Variants in KRT24 observed in about 807,000 individuals in gnomAD.
The protein encoded by KRT24 is keratin, type I cytoskeletal 24.
A neutral mutation model predicts 51.7 loss-of-function variants in KRT24; 44 were observed. The observed-to-expected ratio is 0.85, with a 90% CI of 0.67 to 1.09. KRT24 has a LOEUF of 1.09. KRT24 is among the 50% of genes least tolerant of loss of function. KRT24 has a pLI of 0.00. For missense variants in KRT24, 633 were observed against 647.0 expected (o/e 0.98, Z 0.24); for synonymous variants, 241 against 249.5 (o/e 0.97, Z 0.32).
rs12939122 is a variant in KRT24, at chr17:40,700,938, C to T, written c.855+202G>A. On this transcript the variant is annotated intron_variant, in intron 3 of 7. Coordinates refer to ENST00000264651, the MANE Select transcript of KRT24 (RefSeq NM_019016.3). The stretch of plus-strand genomic sequence containing the variant: ...TTAGAGACACAGTATCTCTCTGTTG[C>T]TCAGGCTGGAATCCAGTGGCATGAT... 7.8e-3 allele frequency among the ~76,000 whole-genome samples: 1,194 copies of T among 152,168 alleles called. 15 individuals are homozygous for T. Among genetic ancestry groups the T allele is most frequent in the African/African-American group, 0.027 (1,123 of 41,494 alleles).
intron 7 of KRT24, 72 bp from the exon 8 acceptor site, chr17:40,698,412 C>T: frequency 1.7e-6 from 2 of 1,169,520 alleles, no homozygotes; most frequent in Non-Finnish European, 1.3e-6. Context: ...AATTCAATCA[C>T]ATGCATTCAA....
intron 5 of KRT24, 47 bp downstream of exon 5, chr17:40,699,951 T>A: frequency 6.2e-7 from 1 of 1,611,522 alleles, no homozygotes; most frequent in Non-Finnish European, 8.5e-7. Flanking sequence ...GAAAACTGCA[T>A]TTGCTTAACT....
chr17:40,702,246 G>C (rs1252074373), intron 1 of KRT24, among the ~76,000 whole-genome samples: 2 of 151,904 alleles, frequency 1.3e-5, no homozygotes, highest in African/African-American at 4.8e-5. Flanking sequence ...TCACCATGTT[G>C]GCCAGGCTAA....
intron 3 of KRT24, 130 bp downstream of exon 3, chr17:40,701,010 G>T: frequency 1.2e-6 from 1 of 815,960 alleles, no homozygotes. Flanking sequence ...GGATCCCCCT[G>T]CCTCGGCCTC....
At chr17:40,700,476 A>G (rs2037664024) in intron 3 of KRT24, 93 bp from the exon 4 acceptor site, 2 of 891,704 alleles carry the variant, frequency 2.2e-6, no homozygotes, top group African/African-American at 3.4e-5. Flanking sequence ...AAAGTAGGAC[A>G]CTGAAAGGAA....
Position 40,703,697 on chromosome 17 carries a change from G to A in KRT24, c.-4C>T. ...AGGCGCGAGACGAGCAAGACATGGT[G>A]CTCCTGCAAACATGAGCTTGTCCAG... On this transcript the variant is annotated 5_prime_UTR_variant, in exon 1 of 8. Coordinates refer to ENST00000264651, the MANE Select transcript of KRT24 (RefSeq NM_019016.3). 1 of 1,550,088 alleles carries A rather than the reference G, an allele frequency of 6.5e-7. No individual in the cohort carries two copies. The highest frequency in any genetic ancestry group is 8.7e-7 in the Non-Finnish European group (1 of 1,150,054).
intron 1 of KRT24, among the ~76,000 whole-genome samples, chr17:40,702,168 A>G (rs1263585777): frequency 1.3e-5 from 2 of 151,812 alleles, no homozygotes; most frequent in Non-Finnish European, 2.9e-5. Context: ...AGTAGCTGGG[A>G]TTACAGGGGC....
In KRT24 at chr17:40,703,550, G is replaced by A. The variant is rs772251765; in HGVS notation, c.144C>T (p.Ser48=). 6.3e-7 allele frequency: 1 copy of A among 1,598,038 alleles called. No homozygotes were observed. The highest frequency in any genetic ancestry group is 8.5e-7 in the Non-Finnish European group (1 of 1,177,996). The change falls in exon 1 of 8, where the codon AGC becomes AGT. Residue 48 remains serine, a synonymous_variant. Coordinates refer to ENST00000264651, the MANE Select transcript of KRT24 (RefSeq NM_019016.3). ...TAGACCCCCCACTCAGGCTGCAGCT[G>A]CTGGCTCCTCCTCGGAAGCCCTGGG... ...SSAQGFRGGA[S]SCSLSGGSSG...
chr17:40,700,003 C>G lies in KRT24; in HGVS notation c.1138G>C (p.Ala380Pro), dbSNP rs2037655430. The G allele has an allele frequency of 6.2e-7, 1 of 1,614,118 alleles. No individual in the cohort carries two copies. Among genetic ancestry groups the G allele is most frequent in the South Asian group, 1.1e-5 (1 of 91,064 alleles). ...GAAAAGCTATTTGCACATACCATGG[C>G]CAGTTGGGACTGAAGCTCAATTTCC... Reference protein sequence around the residue: ...ALEIELQSQLAMKSSLEGTLA... With the variant: ...ALEIELQSQLPMKSSLEGTLA... The change falls in exon 5 of 8, where the codon GCC (alanine) becomes CCC (proline). Residue 380 changes from alanine to proline, a missense_variant. Transcript: ENST00000264651.
In KRT24 at chr17:40,703,372, T is replaced by C. The variant is rs749811617; in HGVS notation, c.322A>G (p.Ser108Gly). ...GTAGCACCACTGCTGAATCTAGAAC[T>C]CCCACAGAATCCAGAACCCCTGCCA... ...GFGRGSGFCGSSRFSSGATGG... is the reference protein window; with the variant it reads ...GFGRGSGFCGGSRFSSGATGG... Residue 108 changes from serine (S) to glycine (G), a missense_variant, in exon 1 of 8, where the codon AGT (serine) becomes GGT (glycine). By Grantham distance (56) the Ser-to-Gly change is moderately conservative. Coordinates refer to ENST00000264651, the MANE Select transcript of KRT24 (RefSeq NM_019016.3). 1 of 1,613,500 alleles carries C rather than the reference T, an allele frequency of 6.2e-7. No homozygotes were observed. The highest frequency in any genetic ancestry group is 2.2e-5 in the East Asian group (1 of 44,854).
In KRT24 at chr17:40,703,170, C is replaced by G; in HGVS notation, c.524G>C (p.Trp175Ser). 6.2e-7 allele frequency: 1 copy of G among 1,614,102 alleles called. No individual in the cohort carries two copies. The highest frequency in any genetic ancestry group is 8.5e-7 in the Non-Finnish European group (1 of 1,180,010). Residue 175 changes from tryptophan to serine, a missense_variant, in exon 1 of 8, where the codon TGG becomes TCG. Transcript: ENST00000264651. ...AGACCCAGGCCCATATTTGTCATAC[C>G]ACTCCTTGATTTTGTTCTCCAGATC... is the stretch of plus-strand genomic sequence containing the variant. ...NTDLENKIKEWYDKYGPGSGD... is the reference protein window; with the variant it reads ...NTDLENKIKESYDKYGPGSGD...
chr17:40,701,599 G>C (rs896165361), intron 2 of KRT24, among the ~76,000 whole-genome samples: 1 of 150,324 alleles, frequency 6.7e-6, no homozygotes, highest in African/African-American at 2.4e-5. Context: ...GAAGCGGCCG[G>C]TGTGTAGCTA....
chr17:40,699,679 TA>T lies in KRT24; in HGVS notation c.1144-19del. 1 of 1,596,592 alleles carries T rather than the reference TA, an allele frequency of 6.3e-7. No homozygotes were observed. The highest frequency in any genetic ancestry group is 1.7e-5 in the Admixed American group (1 of 58,958). ...GAGCTTTTCTAAGAGAAAAAGCAAA[TA>T]AAAAATTCATGATGAAAATAAATCA... On this transcript the variant is annotated intron_variant, in intron 5 of 7. Transcript: ENST00000264651.
At position 40,698,069 on chromosome 17, in the gene KRT24, CTAA is replaced by C. The variant is rs1431761528; in HGVS notation, c.*165_*167del. 48 of 562,900 alleles carry C rather than the reference CTAA, an allele frequency of 8.5e-5. No individual in the cohort carries two copies. Among genetic ancestry groups the C allele is most frequent in the Non-Finnish European group, 1.3e-5 (4 of 318,662 alleles). 34.9% of individuals were successfully genotyped at this position (562,900 alleles called of 1,614,324 possible). On this transcript the variant is annotated 3_prime_UTR_variant, in exon 8 of 8. Transcript: ENST00000264651. ...TTAATTCAGCTATTTCAAGAGCATTCTAATGAGGAAATAAGAAGATGCAGAAAA... is the reference window on the plus strand; with the variant it reads ...TTAATTCAGCTATTTCAAGAGCATTCTGAGGAAATAAGAAGATGCAGAAAA...
intron 2 of KRT24, 74 bp downstream of exon 2, chr17:40,701,777 A>T (rs6416908): frequency 0.3 from 10,296 of 34,364 alleles, 1,476 homozygotes; most frequent in Middle Eastern, 0.58. Context: ...ATATATATAT[A>T]TATTTATTTA....
intron 3 of KRT24, 143 bp from the exon 4 acceptor site, chr17:40,700,526 A>G (rs2037664720): frequency 3.0e-6 from 2 of 657,432 alleles, no homozygotes; most frequent in East Asian, 5.0e-5. Context: ...ACTCATGATT[A>G]CTTTTGTTTC....
At chr17:40,702,657 C>T (rs1448440936) in intron 1 of KRT24, among the ~76,000 whole-genome samples, 9 of 152,098 alleles carry the variant, frequency 5.9e-5, no homozygotes, top group Admixed American at 5.9e-4. Context: ...ATTTTAGATT[C>T]TACTACATTC....
Position 40,703,230 on chromosome 17 carries a change from A to G in KRT24, c.464T>C (p.Leu155Pro). The change falls in exon 1 of 8, where the codon CTA becomes CCA. Residue 155 changes from leucine to proline, a missense_variant. Leu to Pro is a moderately conservative substitution (Grantham distance 98, BLOSUM62 -3). Transcript: ENST00000264651. ...QNLNDRLANY[L>P]DKVRALEEAN... Reference sequence around the variant, plus strand: ...CTCCTCCAGGGCTCTGACCTTGTCTAGGTAATTGGCCAAGCGGTCATTGAG... The same window carrying G: ...CTCCTCCAGGGCTCTGACCTTGTCTGGGTAATTGGCCAAGCGGTCATTGAG... 4 of 1,614,064 alleles carry G rather than the reference A, an allele frequency of 2.5e-6. No homozygotes were observed. The highest frequency in any genetic ancestry group is 3.4e-6 in the Non-Finnish European group (4 of 1,179,998).
At chr17:40,700,196 T>C in intron 4 of KRT24, 26 bp downstream of exon 4, 1 of 1,614,008 alleles carries the variant, frequency 6.2e-7, no homozygotes, top group Non-Finnish European at 8.5e-7. Context: ...GGCTACTGGC[T>C]TAGGTGCTCA....
Sources: allele counts gnomAD v4.1 joint callset (sites outside exome capture counted in the v4.1 genomes callset), GRCh38; gene constraint gnomAD v4.1.1; transcripts MANE v1.5; gene names NCBI Gene and HGNC (gene_info 2026-07-23, HGNC 2026-07-21).